The following BPIFB1 variants were observed in gnomAD, a reference collection of about 807,000 sequenced individuals.
The protein encoded by BPIFB1 is BPI fold containing family B member 1, also known as BPI fold-containing family B member 1.
BPIFB1 carries 34 observed loss-of-function variants against 55.1 expected under a neutral mutation model. The ratio of observed to expected loss-of-function variants is 0.62; its 90% CI spans 0.47 to 0.82. The LOEUF is 0.82. Ranked by LOEUF, BPIFB1 falls within the 40% of genes least tolerant of loss-of-function variation. The probability of loss-of-function intolerance (pLI) is 0.00; values close to 1 mark genes in which losing one functional copy is unlikely to be tolerated. For missense variants in BPIFB1, 532 were observed against 593.1 expected (o/e 0.90, Z 1.07); for synonymous variants, 236 against 245.3 (o/e 0.96, Z 0.35).
chr20:33,290,238 T>C (rs1980420798), intron 4 of BPIFB1, among the ~76,000 whole-genome samples: 2 of 152,130 alleles, frequency 1.3e-5, no homozygotes, highest in Admixed American at 1.3e-4. Context: ...ACAAGGCCTC[T>C]TGGGAGAAGA....
At chr20:33,288,955 AG>A in intron 3 of BPIFB1, 73 bp downstream of exon 3, 1 of 1,495,602 alleles carries the variant, frequency 6.7e-7, no homozygotes, top group Non-Finnish European at 9.0e-7. Flanking sequence ...CTGCATGCTC[AG>A]TCAACCAGTC....
At chr20:33,305,339 A>G (rs534262785) in intron 13 of BPIFB1, among the ~76,000 whole-genome samples, 24 of 107,658 alleles carry the variant, frequency 2.2e-4, no homozygotes, top group African/African-American at 8.9e-4. Context: ...TTTTTTTGAG[A>G]TGGAGTCTCG....
intron 2 of BPIFB1, among the ~76,000 whole-genome samples, chr20:33,287,765 TG>T (rs1980317140): frequency 1.3e-5 from 2 of 152,238 alleles, no homozygotes; most frequent in South Asian, 4.1e-4. Context: ...ACGGGGAAGC[TG>T]TCTCTGGGGA....
intron 15 of BPIFB1, among the ~76,000 whole-genome samples, chr20:33,308,788 CAT>C (rs1407602483): frequency 1.0e-4 from 14 of 138,910 alleles, no homozygotes; most frequent in South Asian, 4.7e-4. Flanking sequence ...CACACACACA[CAT>C]AATACACACA....
chr20:33,286,567 A>G (rs1031236850), intron 2 of BPIFB1, among the ~76,000 whole-genome samples: 3 of 152,218 alleles, frequency 2.0e-5, no homozygotes, highest in African/African-American at 7.2e-5. Context: ...CCTTGACTGC[A>G]AGTGTGGCAG....
intron 9 of BPIFB1, 87 bp from the exon 10 acceptor site, chr20:33,302,272 G>A: frequency 6.9e-7 from 1 of 1,440,556 alleles, no homozygotes; most frequent in Admixed American, 1.7e-5. Context: ...CTGGGGTCCT[G>A]GGAAACCTTC....
chr20:33,302,684 C>T, intron 10 of BPIFB1: 1 of 630,038 alleles, frequency 1.6e-6, no homozygotes, highest in Non-Finnish European at 2.8e-6. Flanking sequence ...TCTGGGACGT[C>T]AGGGAGGCCT....
chr20:33,300,785 G>A (rs1420529590), intron 8 of BPIFB1, among the ~76,000 whole-genome samples: 3 of 151,956 alleles, frequency 2.0e-5, no homozygotes, highest in Admixed American at 6.6e-5. Flanking sequence ...ATGGGGTTCC[G>A]CCATGTTGCC....
Position 33,286,148 on chromosome 20 carries a change from C to T in BPIFB1, c.75C>T (p.Pro25=). 2 of 1,614,214 alleles carry T rather than the reference C, an allele frequency of 1.2e-6. No homozygotes were observed. The highest frequency in any genetic ancestry group is 1.7e-6 in the Non-Finnish European group (2 of 1,180,040). Residue 25 remains proline (P), a synonymous_variant, in exon 2 of 16, where the codon CCC becomes CCT. Coordinates refer to ENST00000253354, the MANE Select transcript of BPIFB1 (RefSeq NM_033197.3). ...CCTTGATCCAAGCCACCCTCAGTCC[C>T]ACTGCAGTTCTCATCCTCGGCCCAA... The part of the protein sequence containing the change: ...AATLIQATLS[P]TAVLILGPKV...
intron 12 of BPIFB1, 144 bp downstream of exon 12, chr20:33,304,169 C>A: frequency 2.9e-6 from 2 of 694,220 alleles, no homozygotes. Context: ...GATGCTCCTG[C>A]TGACAAGGAC....
chr20:33,286,263 G>A, intron 2 of BPIFB1, 75 bp downstream of exon 2: 1 of 1,306,640 alleles, frequency 7.7e-7, no homozygotes, highest in Non-Finnish European at 1.1e-6. Flanking sequence ...AGGAGGGAGA[G>A]AGTTCCTCAT....
rs571138876 is a variant in BPIFB1, at chr20:33,289,875, C to A, written c.258-10C>A. 6.8e-6 allele frequency: 11 copies of A among 1,612,052 alleles called. No homozygotes were observed. In the African/African-American group the frequency reaches 1.3e-4, roughly 20 times the overall value. On this transcript the variant is annotated splice_polypyrimidine_tract_variant and intron_variant, in intron 3 of 15. Coordinates refer to ENST00000253354, the MANE Select transcript of BPIFB1 (RefSeq NM_033197.3). ...AGGCATGATTCTGATCTCTCCTAAA[C>A]CCCATCCAGGCTGAAGGTCATCACA...
chr20:33,297,726 G>A, intron 7 of BPIFB1, 138 bp downstream of exon 7: 2 of 856,722 alleles, frequency 2.3e-6, no homozygotes, highest in Non-Finnish European at 4.0e-6. Flanking sequence ...ACAAGCATCA[G>A]TTGATCCCTG....
rs1020913240 is a variant in BPIFB1 at position 33,309,375 on chromosome 20, G to A, written c.1396-333G>A. Among the ~76,000 whole-genome samples the A allele has an allele frequency of 2.6e-5, 4 of 152,198 alleles. No individual in the cohort carries two copies. The highest frequency in any genetic ancestry group is 7.2e-5 in the African/African-American group (3 of 41,436). ...CCTTACTGTCATTAGCTCATGCAGA[G>A]GAGGGGCCCAAAGCAGGGGGTGATC... On this transcript the variant is annotated intron_variant, in intron 15 of 15. Coordinates refer to ENST00000253354, the MANE Select transcript of BPIFB1 (RefSeq NM_033197.3). This position sits in a 1 kb window ranked among gnomAD's most constrained non-coding sequence, Gnocchi z 4.4.
chr20:33,299,797 C>G, intron 7 of BPIFB1, 102 bp from the exon 8 acceptor site: 1 of 714,294 alleles, frequency 1.4e-6, no homozygotes, highest in Admixed American at 1.9e-5. Flanking sequence ...CCCTACCTGC[C>G]CCCCCATGCA....
intron 12 of BPIFB1, 40 bp from the exon 13 acceptor site, chr20:33,304,806 G>C (rs1490423265): frequency 6.2e-7 from 1 of 1,612,992 alleles, no homozygotes; most frequent in East Asian, 2.2e-5. Context: ...TGAATGAGTG[G>C]GACTTCAGGG....
intron 8 of BPIFB1, 138 bp from the exon 9 acceptor site, chr20:33,301,095 C>A: frequency 1.3e-6 from 1 of 794,966 alleles, no homozygotes; most frequent in Non-Finnish European, 2.0e-6. Context: ...TTGCCACACA[C>A]CTGAGCTCCA....
intron 15 of BPIFB1, chr20:33,307,314 CA>C: frequency 3.7e-6 from 1 of 270,006 alleles, no homozygotes; most frequent in Non-Finnish European, 7.1e-6. Flanking sequence ...CCGAAATGAA[CA>C]AATGGAAAAC....
At position 33,295,658 on chromosome 20, in the gene BPIFB1, AAGAG is replaced by A. The variant is rs374109285; in HGVS notation, c.598-1863_598-1860del. On this transcript the variant is annotated intron_variant, in intron 6 of 15. Coordinates refer to ENST00000253354, the MANE Select transcript of BPIFB1 (RefSeq NM_033197.3). ...AGAAAGAGAGAAGAAGAAAGAAAGA[AAGAG>A]AGAAAGAAAGAAAGAAAGAGAGAAA... Among the ~76,000 whole-genome samples the A allele has an allele frequency of 5.5e-3, 784 of 142,018 alleles. 9 individuals are homozygous for A. Among genetic ancestry groups the A allele is most frequent in the African/African-American group, 0.022 (739 of 33,260 alleles). 93.2% of individuals were successfully genotyped at this position (142,018 alleles called of 152,430 possible). A position where few individuals can be genotyped will look rare whatever the true frequency, so the allele number is the denominator to read the frequency against.
Sources: allele counts gnomAD v4.1 joint callset (sites outside exome capture counted in the v4.1 genomes callset), GRCh38; gene constraint gnomAD v4.1.1; non-coding constraint Gnocchi (gnomAD v3.1); transcripts MANE v1.5; gene names NCBI Gene and HGNC (gene_info 2026-07-23, HGNC 2026-07-21).